The following LRP1B variants were observed in gnomAD, a reference collection of about 807,000 sequenced individuals.
LRP1B encodes the protein LDL receptor related protein 1B, also known as low-density lipoprotein receptor-related protein 1B.
LRP1B carries 217 observed loss-of-function variants against 556.6 expected under a neutral mutation model. The ratio of observed to expected loss-of-function variants is 0.39; its 90% CI spans 0.35 to 0.44. LRP1B has a LOEUF of 0.44. LRP1B is among the 20% of genes least tolerant of loss of function. The pLI is 1.00. For synonymous variants in LRP1B, 2,047 were observed against 1,865.8 expected, an observed-to-expected ratio of 1.10 and a Z score of -2.50; for missense variants, 5,053 against 5,620.8, an observed-to-expected ratio of 0.90 and a Z score of 3.23.
rs533315244 is a variant in LRP1B, at chr2:140,485,845, A to G, written c.9244-321T>C. ...AATTTGGGACAAAATTCTCACGCAC[A>G]TACACACACACACACACACACACAC... On this transcript the variant is annotated intron_variant, in intron 58 of 90. Transcript: ENST00000389484. Among the ~76,000 whole-genome samples, 72 of 105,898 alleles carry G rather than the reference A, an allele frequency of 6.8e-4. 1 individual carries two copies. Among genetic ancestry groups the G allele is most frequent in the African/African-American group, 2.9e-3 (70 of 24,112 alleles). 69.5% of individuals were successfully genotyped at this position (105,898 alleles called of 152,430 possible). A position where few individuals can be genotyped will look rare whatever the true frequency, so the allele number is the denominator to read the frequency against.
intron 6 of LRP1B, among the ~76,000 whole-genome samples, chr2:141,223,724 G>A (rs1683133262): frequency 6.6e-6 from 1 of 151,978 alleles, no homozygotes; most frequent in South Asian, 2.1e-4. Flanking sequence ...TCAGATTTAA[G>A]ACCACACATC....
At chr2:140,576,888 G>A (rs1469426390) in intron 43 of LRP1B, among the ~76,000 whole-genome samples, 2 of 151,996 alleles carry the variant, frequency 1.3e-5, no homozygotes, top group Non-Finnish European at 2.9e-5. Context: ...TTCCATTAAT[G>A]TTTGTTTGCT....
intron 2 of LRP1B, among the ~76,000 whole-genome samples, chr2:141,644,684 C>G (rs1046154559): frequency 2.0e-5 from 3 of 150,896 alleles, no homozygotes; most frequent in Non-Finnish European, 2.9e-5. Context: ...CTTCCTTGAC[C>G]AGAGTCAGTA....
intron 3 of LRP1B, among the ~76,000 whole-genome samples, chr2:141,422,840 A>G (rs902801689): frequency 6.6e-6 from 1 of 152,224 alleles, no homozygotes; most frequent in Non-Finnish European, 1.5e-5. Context: ...GATATTATAG[A>G]AAGTCTGTGA....
At chr2:140,812,442 T>C (rs779205170) in intron 32 of LRP1B, among the ~76,000 whole-genome samples, 1 of 152,122 alleles carries the variant, frequency 6.6e-6, no homozygotes, top group Admixed American at 6.5e-5. Context: ...TTAAACCTTG[T>C]TCACCTTCAT....
chr2:140,326,965 G>A (rs1291485174), intron 79 of LRP1B, among the ~76,000 whole-genome samples: 3 of 152,028 alleles, frequency 2.0e-5, no homozygotes, highest in Admixed American at 2.0e-4. Context: ...ATCTAAGAAA[G>A]TAAACTTCCT....
chr2:140,711,339 AC>A (rs1687024811), intron 37 of LRP1B, among the ~76,000 whole-genome samples: 1 of 151,900 alleles, frequency 6.6e-6, no homozygotes, highest in Admixed American at 6.6e-5. Flanking sequence ...TGCTCCAGGG[AC>A]CTACCTAGAA....
Position 141,769,083 on chromosome 2 carries a change from A to T in LRP1B, c.205+41196T>A, listed in dbSNP as rs74862627. On this transcript the variant is annotated intron_variant, in intron 2 of 90. Coordinates refer to ENST00000389484, the MANE Select transcript of LRP1B (RefSeq NM_018557.3). ...ACTATCTGTAATTCAAAGTCACATG[A>T]CTCTTATAGGTGAAGATGAGATTCC... Among the ~76,000 whole-genome samples, 723 of 152,178 alleles carry T rather than the reference A, an allele frequency of 4.8e-3. 2 individuals are homozygous for T. The highest frequency in any genetic ancestry group is 0.02 in the Middle Eastern group (6 of 294).
chr2:141,026,013 T>C (rs1007206706), intron 11 of LRP1B, among the ~76,000 whole-genome samples: 4 of 152,082 alleles, frequency 2.6e-5, no homozygotes, highest in African/African-American at 9.7e-5. Flanking sequence ...AGAGTCTTCA[T>C]TGTGAATGGG....
At chr2:140,274,291 A>AT in intron 85 of LRP1B, 133 bp downstream of exon 85, 2 of 732,360 alleles carry the variant, frequency 2.7e-6, no homozygotes, top group South Asian at 3.6e-5. Context: ...CTCTCTAATC[A>AT]TAAAAACTGC....
chr2:141,501,939 G>A (rs979136656), intron 2 of LRP1B, among the ~76,000 whole-genome samples: 1 of 151,738 alleles, frequency 6.6e-6, no homozygotes, highest in South Asian at 2.1e-4. Flanking sequence ...TCTGTCAAAT[G>A]TTGAAAAGAA....
rs558752433 is a variant in LRP1B at position 142,049,295 on chromosome 2, G to A, written c.82+81353C>T. Among the ~76,000 whole-genome samples, 5 of 152,116 alleles carry A rather than the reference G, an allele frequency of 3.3e-5. No homozygotes were observed. The East Asian group carries it at 9.7e-4, about 29-fold the overall frequency. On this transcript the variant is annotated intron_variant, in intron 1 of 90. Coordinates refer to ENST00000389484, the MANE Select transcript of LRP1B (RefSeq NM_018557.3). Reference sequence around the variant, plus strand: ...CTAGCACAGAGATTAAAAAATAAAAGCACACATCATATTTGTCTGAATTTT... The same window carrying A: ...CTAGCACAGAGATTAAAAAATAAAAACACACATCATATTTGTCTGAATTTT...
intron 41 of LRP1B, among the ~76,000 whole-genome samples, chr2:140,612,632 T>C (rs1683109635): frequency 6.6e-6 from 1 of 152,144 alleles, no homozygotes; most frequent in Non-Finnish European, 1.5e-5. Flanking sequence ...TATGGTGGAA[T>C]TTAATCTTTG....
At chr2:140,472,926 TAATA>T (rs1687828830) in intron 60 of LRP1B, among the ~76,000 whole-genome samples, 1 of 152,050 alleles carries the variant, frequency 6.6e-6, no homozygotes, top group African/African-American at 2.4e-5. Context: ...TTAAGAAATA[TAATA>T]AATGAGAAAA....
intron 3 of LRP1B, among the ~76,000 whole-genome samples, chr2:141,345,422 A>C (rs956894330): frequency 1.3e-5 from 2 of 152,012 alleles, no homozygotes; most frequent in African/African-American, 4.8e-5. Flanking sequence ...ATTTGACACA[A>C]TTCTATTTTC....
intron 3 of LRP1B, among the ~76,000 whole-genome samples, chr2:141,451,189 C>G (rs1681409261): frequency 6.6e-6 from 1 of 152,100 alleles, no homozygotes; most frequent in South Asian, 2.1e-4. Flanking sequence ...TGCTTGCAGC[C>G]AAGACCCTGA....
chr2:140,860,379 A>T (rs1692753656), intron 27 of LRP1B, among the ~76,000 whole-genome samples: 1 of 152,192 alleles, frequency 6.6e-6, no homozygotes, highest in Non-Finnish European at 1.5e-5. Flanking sequence ...TTTAAAAGGA[A>T]GTCATATTAT....
chr2:140,471,587 A>G (rs927685593), intron 60 of LRP1B, among the ~76,000 whole-genome samples: 1 of 152,208 alleles, frequency 6.6e-6, no homozygotes, highest in African/African-American at 2.4e-5. Context: ...CTACATAACT[A>G]TTGAATCTAA....
chr2:140,504,744 A>G (rs887154367), intron 53 of LRP1B, among the ~76,000 whole-genome samples: 6 of 152,080 alleles, frequency 3.9e-5, no homozygotes, highest in African/African-American at 1.4e-4. Context: ...TCCATGTCCT[A>G]CTGTAAATGA....
Sources: allele counts gnomAD v4.1 joint callset (sites outside exome capture counted in the v4.1 genomes callset), GRCh38; gene constraint gnomAD v4.1.1; transcripts MANE v1.5; gene names NCBI Gene and HGNC (gene_info 2026-07-23, HGNC 2026-07-21).